TNFRSF11A: variants seen among roughly 807,000 people sequenced by gnomAD.
The protein encoded by TNFRSF11A is tumor necrosis factor receptor superfamily member 11A.
Under a neutral mutation model 55.7 loss-of-function variants are expected in TNFRSF11A, and 32 were observed. The ratio of observed to expected loss-of-function variants is 0.57; its 90% CI spans 0.43 to 0.77. The LOEUF (loss-of-function observed/expected upper bound fraction) is 0.77, where lower values mean the gene tolerates loss of function less well. Among genes scored for constraint, TNFRSF11A ranks in the 30% least tolerant of loss-of-function variants. TNFRSF11A has a pLI of 0.00. For synonymous variants in TNFRSF11A, 311 were observed against 331.0 expected (o/e 0.94, Z 0.65); for missense variants, 753 against 809.8 (o/e 0.93, Z 0.85).
At chr18:62,357,088 G>A (rs76109907) in intron 4 of TNFRSF11A, among the ~76,000 whole-genome samples, 5,588 of 152,308 alleles carry the variant, frequency 0.037, 349 homozygotes, top group African/African-American at 0.13. Flanking sequence ...AAATTGCTAG[G>A]TGAAGGAGCG....
In TNFRSF11A at chr18:62,369,332, G is replaced by C. The variant is rs142274946; in HGVS notation, c.1415G>C (p.Cys472Ser). The C allele has an allele frequency of 1.9e-4, 308 of 1,609,662 alleles. 1 individual carries two copies. The African/African-American group carries it at 3.9e-3, about 20-fold the overall frequency. The change falls in exon 9 of 10, where the codon TGC becomes TCC. Residue 472 changes from cysteine to serine, a missense_variant. This residue lies in a region of TNFRSF11A where 567 missense variants were observed against 596.7 expected (regional missense o/e 0.95). Coordinates refer to ENST00000586569, the MANE Select transcript of TNFRSF11A (RefSeq NM_003839.4). Reference sequence around the variant, plus strand: ...CCAAAACGTGGACCCTTGCCCCAGTGCGCCTATGGCATGGGCCTTCCCCCT... The same window carrying C: ...CCAAAACGTGGACCCTTGCCCCAGTCCGCCTATGGCATGGGCCTTCCCCCT... ...GSPKRGPLPQ[C>S]AYGMGLPPEE...
intron 9 of TNFRSF11A, among the ~76,000 whole-genome samples, chr18:62,384,433 CCTTT>C (rs1006210730): frequency 7.2e-6 from 1 of 138,998 alleles, no homozygotes; most frequent in Admixed American, 7.0e-5. Flanking sequence ...CTTCCTCCAC[CCTTT>C]CTTTCCTCTC....
chr18:62,387,847 A>C lies in TNFRSF11A; in HGVS notation c.*2813A>C, dbSNP rs981147351. On this transcript the variant is annotated 3_prime_UTR_variant, in exon 10 of 10. Coordinates refer to ENST00000586569, the MANE Select transcript of TNFRSF11A (RefSeq NM_003839.4). ...TTAAAATAGTCACCATTGGCCAGGC[A>C]CAGCGGTTCATGCCTCCCAGTGCTT... The C allele has an allele frequency of 6.6e-6, 1 of 152,266 alleles. No individual in the cohort carries two copies. Among genetic ancestry groups the C allele is most frequent in the East Asian group, 1.9e-4 (1 of 5,184 alleles). The allele number at this position is 152,266 out of a possible 1,614,324, so 9.4% of individuals were successfully genotyped here.
chr18:62,378,371 G>T (rs12458408), intron 9 of TNFRSF11A, among the ~76,000 whole-genome samples: 1 of 152,056 alleles, frequency 6.6e-6, no homozygotes, highest in African/African-American at 2.4e-5. Context: ...TGTTGTAACC[G>T]AAGACAATCA....
chr18:62,360,034 A>G lies in TNFRSF11A; in HGVS notation c.601A>G (p.Arg201Gly), dbSNP rs1909559778. The change falls in exon 6 of 10, where the codon AGA becomes GGA. Residue 201 changes from arginine to glycine, a missense_variant. This residue lies in a region of TNFRSF11A where 567 missense variants were observed against 596.7 expected (regional missense o/e 0.95). Coordinates refer to ENST00000586569, the MANE Select transcript of TNFRSF11A (RefSeq NM_003839.4). ...DAVCSSSLPA[R>G]KPPNEPHVYL... ...GGTTTGCAGTTCTTCTCTGCCAGCT[A>G]GAAAACCACCAAATGGTATGTTTAA... 6.2e-7 allele frequency: 1 copy of G among 1,614,000 alleles called. No individual in the cohort carries two copies. Among genetic ancestry groups the G allele is most frequent in the Non-Finnish European group, 8.5e-7 (1 of 1,179,854 alleles).
At chr18:62,358,110 C>T in intron 4 of TNFRSF11A, 138 bp from the exon 5 acceptor site, 1 of 766,836 alleles carries the variant, frequency 1.3e-6, no homozygotes. Context: ...GGGGTGGGCA[C>T]AGGGGTGGGA....
chr18:62,370,070 A>T (rs962636861), intron 9 of TNFRSF11A, among the ~76,000 whole-genome samples: 2 of 152,182 alleles, frequency 1.3e-5, no homozygotes, highest in African/African-American at 4.8e-5. Flanking sequence ...TATAACCACA[A>T]CGTATCATAT....
At chr18:62,360,446 CTTT>C (rs555339154) in intron 6 of TNFRSF11A, among the ~76,000 whole-genome samples, 1 of 147,924 alleles carries the variant, frequency 6.8e-6, no homozygotes, top group African/African-American at 2.5e-5. Flanking sequence ...TTAAATTAAT[CTTT>C]TTTTTTTTTC....
intron 3 of TNFRSF11A, among the ~76,000 whole-genome samples, chr18:62,353,451 C>T (rs560688366): frequency 5.2e-4 from 79 of 152,270 alleles, no homozygotes; most frequent in South Asian, 3.9e-3. Context: ...ACAAAAAGCT[C>T]GTTTACCTTC....
chr18:62,371,954 G>C (rs992258235), intron 9 of TNFRSF11A, among the ~76,000 whole-genome samples: 2 of 151,398 alleles, frequency 1.3e-5, no homozygotes, highest in African/African-American at 4.9e-5. Flanking sequence ...TTATATGAGA[G>C]GATTTTTTGT....
chr18:62,354,297 G>C (rs1166483042), intron 3 of TNFRSF11A, 94 bp from the exon 4 acceptor site: 1 of 1,430,152 alleles, frequency 7.0e-7, no homozygotes, highest in African/African-American at 1.4e-5. Flanking sequence ...GCGGGCTGCT[G>C]CTCTGGGCTG....
At position 62,385,260 on chromosome 18, in the gene TNFRSF11A, C is replaced by T. The variant is rs1421552444; in HGVS notation, c.*226C>T. ...TGCTCAGCAGCCCGCCGCACTGGGG[C>T]AGATGTCTCCCCTGCCACTCCTCAA... On this transcript the variant is annotated 3_prime_UTR_variant, in exon 10 of 10. Transcript: ENST00000586569. The T allele has an allele frequency of 8.9e-6, 4 of 448,730 alleles. No homozygotes were observed. Among genetic ancestry groups the T allele is most frequent in the African/African-American group, 6.2e-5 (3 of 48,102 alleles). 27.8% of individuals were successfully genotyped at this position (448,730 alleles called of 1,614,324 possible).
At chr18:62,330,039 C>T (rs965444305) in intron 1 of TNFRSF11A, among the ~76,000 whole-genome samples, 4 of 152,106 alleles carry the variant, frequency 2.6e-5, no homozygotes, top group East Asian at 3.9e-4. Context: ...CCACAGCATT[C>T]GATAATGAGA....
At chr18:62,355,868 G>C (rs2038250379) in intron 4 of TNFRSF11A, among the ~76,000 whole-genome samples, 1 of 152,136 alleles carries the variant, frequency 6.6e-6, no homozygotes, top group Non-Finnish European at 1.5e-5. Context: ...TGAGAAATTT[G>C]TTCACATAAA....
chr18:62,355,276 T>A (rs1433642642), intron 4 of TNFRSF11A, among the ~76,000 whole-genome samples: 1 of 152,124 alleles, frequency 6.6e-6, no homozygotes, highest in Non-Finnish European at 1.5e-5. Context: ...TCTTTATTTA[T>A]TTTATTTATT....
intron 1 of TNFRSF11A, among the ~76,000 whole-genome samples, chr18:62,342,229 C>T (rs1213271900): frequency 7.9e-5 from 12 of 151,132 alleles, no homozygotes; most frequent in Non-Finnish European, 1.5e-5. Flanking sequence ...GGTGAAACCC[C>T]GTGTCTACCA....
chr18:62,355,289 T>G (rs936335093), intron 4 of TNFRSF11A, among the ~76,000 whole-genome samples: 2 of 152,188 alleles, frequency 1.3e-5, no homozygotes, highest in Admixed American at 1.3e-4. Flanking sequence ...TATTTATTTT[T>G]TTTTTGAGAT....
intron 1 of TNFRSF11A, among the ~76,000 whole-genome samples, chr18:62,342,744 C>A (rs1313370786): frequency 6.6e-6 from 1 of 152,202 alleles, no homozygotes; most frequent in Non-Finnish European, 1.5e-5. Flanking sequence ...AATGGAAACA[C>A]TTGTGACCGG....
Position 62,369,125 on chromosome 18 carries a change from A to G in TNFRSF11A, c.1208A>G (p.Asn403Ser). Residue 403 changes from asparagine to serine, a missense_variant, in exon 9 of 10, where the codon AAC becomes AGC. This residue lies in a region of TNFRSF11A where 567 missense variants were observed against 596.7 expected (regional missense o/e 0.95). Coordinates refer to ENST00000586569, the MANE Select transcript of TNFRSF11A (RefSeq NM_003839.4). ...AGCACAGTGGGTTCAGAAAGCTGCAACTGCACTGAGCCCCTGTGCAGGACT... is the reference window on the plus strand; with the variant it reads ...AGCACAGTGGGTTCAGAAAGCTGCAGCTGCACTGAGCCCCTGTGCAGGACT... ...TQSTVGSESCNCTEPLCRTDW... is the reference protein window; with the variant it reads ...TQSTVGSESCSCTEPLCRTDW... 2 of 1,614,082 alleles carry G rather than the reference A, an allele frequency of 1.2e-6. No homozygotes were observed. The highest frequency in any genetic ancestry group is 1.7e-6 in the Non-Finnish European group (2 of 1,180,040).
Sources: gnomAD v4.1 joint callset for allele counts (sites outside exome capture counted in the v4.1 genomes callset) on GRCh38, gnomAD v4.1.1 for gene constraint, gnomAD v4.1.1 regional missense constraint, MANE v1.5 for transcripts, NCBI Gene and HGNC (gene_info 2026-07-23, HGNC 2026-07-21) for gene names.